UBR4: variants seen among roughly 807,000 people sequenced by gnomAD.
UBR4 encodes the protein ubiquitin protein ligase E3 component n-recognin 4, also known as E3 ubiquitin-protein ligase UBR4.
In UBR4, 124 loss-of-function variants were observed where a neutral mutation model predicts 575.6. The ratio of observed to expected loss-of-function variants is 0.22; its 90% CI spans 0.19 to 0.25. UBR4 has a LOEUF of 0.25. UBR4 is among the 10% of genes least tolerant of loss of function. UBR4 has a pLI of 1.00. For synonymous variants in UBR4, 2,455 were observed against 2,473.7 expected (o/e 0.99, Z 0.22); for missense variants, 4,818 against 6,478.8 (o/e 0.74, Z 8.80).
In UBR4 at chr1:19,128,294, G is replaced by C; in HGVS notation, c.9028C>G (p.Leu3010Val). 2 of 1,613,902 alleles carry C rather than the reference G, an allele frequency of 1.2e-6. No individual in the cohort carries two copies. Among genetic ancestry groups the C allele is most frequent in the Admixed American group, 3.3e-5 (2 of 60,018 alleles). The part of the protein sequence containing the change: ...MQVILMLTTD[L>V]DGEDEKDKGA... ...TTGTCTTTCTCATCTTCTCCATCCA[G>C]ATCTGTAGTGAGCATTAGAATGACC... Residue 3010 changes from leucine (L) to valine (V), a missense_variant, in exon 62 of 106, where the codon CTG (leucine) becomes GTG (valine). Physicochemically the swap from Leu to Val is conservative, Grantham distance 32. This residue lies in a region of UBR4 where 87 missense variants were observed against 82.8 expected (regional missense o/e 1.05). Transcript: ENST00000375254.
At chr1:19,129,516 C>T (rs2082188902) in intron 60 of UBR4, among the ~76,000 whole-genome samples, 1 of 152,196 alleles carries the variant, frequency 6.6e-6, no homozygotes, top group Non-Finnish European at 1.5e-5. Flanking sequence ...TGCACAGTGA[C>T]CCAGCCCTTT....
Position 19,156,757 on chromosome 1 carries a change from G to T in UBR4, c.5919+10C>A, listed in dbSNP as rs1264278577. 1.2e-6 allele frequency: 2 copies of T among 1,610,990 alleles called. No individual in the cohort carries two copies. The highest frequency in any genetic ancestry group is 2.2e-5 in the South Asian group (2 of 90,882). ...GCTCAAGGCAATCAAACCTAGATCC[G>T]GATTTTTACCTTTAGCCCACAAACC... is the stretch of plus-strand genomic sequence containing the variant. On this transcript the variant is annotated intron_variant, in intron 41 of 105. Transcript: ENST00000375254.
chr1:19,142,892 C>G (rs902029968), intron 55 of UBR4, among the ~76,000 whole-genome samples: 2 of 151,930 alleles, frequency 1.3e-5, no homozygotes, highest in Admixed American at 1.3e-4. Context: ...GAGGCCGAGG[C>G]GGGCGGATCA....
chr1:19,146,729 T>G, intron 52 of UBR4, 97 bp downstream of exon 52: 1 of 1,461,254 alleles, frequency 6.8e-7, no homozygotes, highest in Non-Finnish European at 9.2e-7. Flanking sequence ...TCTCTGAGCA[T>G]GCAGTCAGTC....
Position 19,152,186 on chromosome 1 carries a change from C to T in UBR4, c.6996+127G>A. 7.4e-7 allele frequency: 1 copy of T among 1,357,486 alleles called. No individual in the cohort carries two copies. The highest frequency in any genetic ancestry group is 2.3e-5 in the East Asian group (1 of 43,244). The allele number at this position is 1,357,486 out of a possible 1,614,324, so 84.1% of individuals were successfully genotyped here. A position where few individuals can be genotyped will look rare whatever the true frequency, so the allele number is the denominator to read the frequency against. Reference sequence around the variant, plus strand: ...TCCATTTTTCTAAGGAACCATTTAACTAGAACCGAGGGTTGTGACTGTGAG... The same window carrying T: ...TCCATTTTTCTAAGGAACCATTTAATTAGAACCGAGGGTTGTGACTGTGAG... On this transcript the variant is annotated intron_variant, in intron 47 of 105. Transcript: ENST00000375254. This position sits in a 1 kb window ranked among gnomAD's most constrained non-coding sequence, Gnocchi z 4.4.
chr1:19,137,276 G>C (rs1355276586), intron 60 of UBR4, among the ~76,000 whole-genome samples: 1 of 151,464 alleles, frequency 6.6e-6, no homozygotes, highest in Non-Finnish European at 1.5e-5. Context: ...CTCCAGCCAG[G>C]GTGACAGAGG....
At position 19,167,069 on chromosome 1, in the gene UBR4, C is replaced by G. The variant is rs778543655; in HGVS notation, c.4062G>C (p.Leu1354=). 5.6e-6 allele frequency: 9 copies of G among 1,614,080 alleles called. No homozygotes were observed. In the African/African-American group the frequency reaches 1.2e-4, roughly 22 times the overall value. ...DEFLARVYEK[L]ITGCYNILAN... The stretch of plus-strand genomic sequence containing the variant: ...CCAGAATGTTGTAACAACCAGTGAT[C>G]AGCTTCTCATAAACACGAGCCAAGA... The change falls in exon 29 of 106, where the codon CTG becomes CTC. Residue 1354 remains leucine (L), a synonymous_variant. Transcript: ENST00000375254.
intron 73 of UBR4, among the ~76,000 whole-genome samples, chr1:19,116,346 A>C (rs78435691): frequency 0.04 from 6,070 of 152,240 alleles, 352 homozygotes; most frequent in African/African-American, 0.13. Flanking sequence ...ACTCCACACA[A>C]TGAAAAATCA....
intron 8 of UBR4, among the ~76,000 whole-genome samples, chr1:19,194,001 G>C (rs940972832): frequency 6.6e-6 from 1 of 152,204 alleles, no homozygotes; most frequent in Non-Finnish European, 1.5e-5. Context: ...TAAAACTAGA[G>C]AGACAGTGGA....
At chr1:19,170,659 C>T in intron 26 of UBR4, 103 bp downstream of exon 26, 5 of 1,501,832 alleles carry the variant, frequency 3.3e-6, no homozygotes, top group Non-Finnish European at 4.5e-6. Flanking sequence ...AAAAAGGCTC[C>T]AATAAATAGT....
At chr1:19,135,918 AAAT>A (rs1337632166) in intron 60 of UBR4, among the ~76,000 whole-genome samples, 1 of 152,226 alleles carries the variant, frequency 6.6e-6, no homozygotes, top group African/African-American at 2.4e-5. Context: ...AAAACTGCAA[AAAT>A]AATGACAAAT....
chr1:19,186,682 C>T lies in UBR4; in HGVS notation c.1633-25G>A, dbSNP rs755346362. 1.2e-4 allele frequency: 189 copies of T among 1,606,496 alleles called. 1 individual carries two copies. In the East Asian group the frequency reaches 3.0e-3, roughly 25 times the overall value. On this transcript the variant is annotated intron_variant, in intron 13 of 105. Transcript: ENST00000375254. The stretch of plus-strand genomic sequence containing the variant: ...CCTAGGAAAATGACAATTACAAAAC[C>T]GGAGCCATCCTATTTAATCTCATGC...
chr1:19,075,048 A>T (rs16862503), intron 105 of UBR4, 152 bp from the exon 106 acceptor site: 24,254 of 753,996 alleles, frequency 0.032, 538 homozygotes, highest in African/African-American at 0.07. Context: ...CCGGGGAGGT[A>T]GTCATTGAGC....
At chr1:19,112,244 T>A (rs926128317) in intron 78 of UBR4, 13 of 395,412 alleles carry the variant, frequency 3.3e-5, no homozygotes, top group Non-Finnish European at 5.0e-5. Context: ...GTGTCTCCCT[T>A]CCCTTCCCTC....
At chr1:19,105,703 C>G in intron 84 of UBR4, 30 bp downstream of exon 84, 1 of 1,523,152 alleles carries the variant, frequency 6.6e-7, no homozygotes, top group Non-Finnish European at 8.8e-7. Flanking sequence ...CAAGTCTAAC[C>G]ACGCTCCTCA....
rs141046632 is a variant in UBR4 at position 19,193,457 on chromosome 1, G to T, written c.1119C>A (p.Asp373Glu). Residue 373 changes from aspartate (D) to glutamate (E), a missense_variant, in exon 9 of 106, where the codon GAC becomes GAA. Physicochemically the swap from Asp to Glu is conservative, Grantham distance 45 (BLOSUM62 2). This residue lies in a region of UBR4 where 131 missense variants were observed against 214.5 expected (regional missense o/e 0.61). Transcript: ENST00000375254. ...TSSKEDDYES[D>E]AATIVQKCLE... ...CACATTTCTGGACAATTGTAGCTGC[G>T]TCACTTTCATAGTCATCTTCTTTGG... 2 of 1,613,934 alleles carry T rather than the reference G, an allele frequency of 1.2e-6. No homozygotes were observed. Among genetic ancestry groups the T allele is most frequent in the African/African-American group, 2.7e-5 (2 of 74,908 alleles).
At position 19,074,586 on chromosome 1, in the gene UBR4, A is replaced by G. The variant is rs2075745140; in HGVS notation, c.*246T>C. 3 of 550,046 alleles carry G rather than the reference A, an allele frequency of 5.5e-6. No homozygotes were observed. The highest frequency in any genetic ancestry group is 9.8e-6 in the Non-Finnish European group (3 of 305,226). 34.1% of individuals were successfully genotyped at this position (550,046 alleles called of 1,614,324 possible). A position where few individuals can be genotyped will look rare whatever the true frequency, so the allele number is the denominator to read the frequency against. On this transcript the variant is annotated 3_prime_UTR_variant, in exon 106 of 106. Coordinates refer to ENST00000375254, the MANE Select transcript of UBR4 (RefSeq NM_020765.3). The stretch of plus-strand genomic sequence containing the variant: ...AGTATGAAGCTGGCCGGGACAACTC[A>G]TGGCTCCTAGGTATGTACAGGCCCT...
chr1:19,095,161 C>T (rs928526248), intron 93 of UBR4, 136 bp from the exon 94 acceptor site: 112 of 1,293,688 alleles, frequency 8.7e-5, no homozygotes, highest in Non-Finnish European at 1.0e-4. Context: ...TATGTATGTG[C>T]GTGTATATGC....
At chr1:19,132,162 A>G (rs2082547533) in intron 60 of UBR4, among the ~76,000 whole-genome samples, 1 of 152,038 alleles carries the variant, frequency 6.6e-6, no homozygotes, top group Non-Finnish European at 1.5e-5. Flanking sequence ...AGAAAAATAT[A>G]TTGCTTCAAA....
Sources: gnomAD v4.1 joint callset for allele counts (sites outside exome capture counted in the v4.1 genomes callset) on GRCh38, gnomAD v4.1.1 for gene constraint, gnomAD v4.1.1 regional missense constraint, Gnocchi (gnomAD v3.1) non-coding constraint, MANE v1.5 for transcripts, NCBI Gene and HGNC (gene_info 2026-07-23, HGNC 2026-07-21) for gene names.